Variants in ITIH2 observed in about 807,000 individuals in gnomAD.
ITIH2 encodes the protein inter-alpha-trypsin inhibitor heavy chain 2.
ITIH2 carries 103 observed loss-of-function variants against 104.4 expected under a neutral mutation model. That is an observed-to-expected ratio of 0.99 (90% CI 0.84 to 1.16). ITIH2 has a LOEUF of 1.16. ITIH2 is among the 50% of genes most tolerant of loss of function. ITIH2 has a pLI of 0.00. For synonymous variants in ITIH2, 436 were observed against 435.4 expected (o/e 1.00, Z -0.02); for missense variants, 1,108 against 1,162.4 (o/e 0.95, Z 0.68).
chr10:7,718,102 ACT>A (rs1442023904), intron 6 of ITIH2, among the ~76,000 whole-genome samples: 1 of 151,108 alleles, frequency 6.6e-6, no homozygotes, highest in Non-Finnish European at 1.5e-5. Context: ...GCAGAGCTGC[ACT>A]CTCTCTCTCT....
chr10:7,724,082 C>T (rs955234636), intron 9 of ITIH2, among the ~76,000 whole-genome samples: 8 of 152,104 alleles, frequency 5.3e-5, no homozygotes, highest in African/African-American at 1.9e-4. Context: ...GCTCAGAGCT[C>T]AATATAGGCT....
At chr10:7,732,737 A>T (rs893956442) in intron 14 of ITIH2, among the ~76,000 whole-genome samples, 7 of 151,336 alleles carry the variant, frequency 4.6e-5, no homozygotes, top group South Asian at 4.2e-4. Flanking sequence ...ATTTATTTTT[A>T]TTTTTTTTGA....
rs538549127 is a variant in ITIH2 at position 7,735,952 on chromosome 10, C to T, written c.1957+861C>T. Among the ~76,000 whole-genome samples the T allele has an allele frequency of 6.6e-5, 10 of 152,250 alleles. No homozygotes were observed. The East Asian group carries it at 1.9e-3, about 29-fold the overall frequency. On this transcript the variant is annotated intron_variant, in intron 15 of 20. Coordinates refer to ENST00000358415, the MANE Select transcript of ITIH2 (RefSeq NM_002216.3). ...CCTCCCAAAGTGCTGGGGTTACAGG[C>T]GTGAGCCACCGTGCCTGACCATATC... is the stretch of plus-strand genomic sequence containing the variant.
At chr10:7,715,919 T>C (rs1834845193) in intron 5 of ITIH2, among the ~76,000 whole-genome samples, 1 of 150,904 alleles carries the variant, frequency 6.6e-6, no homozygotes, top group Non-Finnish European at 1.5e-5. Flanking sequence ...TTTTGTATTT[T>C]TAGGAGAGAC....
At chr10:7,732,879 C>T (rs1283492968) in intron 14 of ITIH2, among the ~76,000 whole-genome samples, 2 of 152,088 alleles carry the variant, frequency 1.3e-5, no homozygotes, top group East Asian at 3.9e-4. Flanking sequence ...TGGTGCCCAC[C>T]ACCACGCCCA....
intron 19 of ITIH2, among the ~76,000 whole-genome samples, chr10:7,745,815 C>T (rs942956485): frequency 1.5e-4 from 23 of 151,250 alleles, no homozygotes; most frequent in East Asian, 6.2e-4. Flanking sequence ...AGCGCAGTGG[C>T]GCAATCTCGG....
intron 6 of ITIH2, among the ~76,000 whole-genome samples, chr10:7,720,250 C>T (rs1834889018): frequency 6.6e-6 from 1 of 152,148 alleles, no homozygotes; most frequent in Non-Finnish European, 1.5e-5. Flanking sequence ...GCAATATATT[C>T]ATGTAACCAA....
rs751492273 is a variant in ITIH2, at chr10:7,731,967, C to T, written c.1618C>T (p.Gln540Ter). The T allele has an allele frequency of 3.1e-6, 5 of 1,613,732 alleles. No individual in the cohort carries two copies. The highest frequency in any genetic ancestry group is 4.2e-6 in the Non-Finnish European group (5 of 1,179,854). Residue 540 changes from glutamine (Q) to a stop codon, truncating the protein, a stop_gained, in exon 13 of 21, where the codon CAA becomes TAA. Transcript: ENST00000358415. LOFTEE classifies it high-confidence loss of function. ...AGKFDPAKLD[Q>*]IESVITATSA... Reference sequence around the variant, plus strand: ...AAAATTTGACCCTGCTAAATTGGATCAAATAGAGAGCGTTATCACGGCGAC... The same window carrying T: ...AAAATTTGACCCTGCTAAATTGGATTAAATAGAGAGCGTTATCACGGCGAC...
At chr10:7,724,653 G>T (rs1269664802) in intron 9 of ITIH2, among the ~76,000 whole-genome samples, 1 of 150,860 alleles carries the variant, frequency 6.6e-6, no homozygotes, top group Non-Finnish European at 1.5e-5. Context: ...GACCCTGCCT[G>T]CCTGGGTCTG....
At chr10:7,742,949 C>T (rs936487194) in intron 16 of ITIH2, among the ~76,000 whole-genome samples, 197 bp from the exon 17 acceptor site, 1 of 152,030 alleles carries the variant, frequency 6.6e-6, no homozygotes, top group African/African-American at 2.4e-5. Context: ...ACATAGGGTT[C>T]TGAAGAAGGC....
rs775477808 is a variant in ITIH2, at chr10:7,727,056, C to T, written c.1091C>T (p.Ser364Leu). 6.2e-7 allele frequency: 1 copy of T among 1,614,118 alleles called. No individual in the cohort carries two copies. Among genetic ancestry groups the T allele is most frequent in the Middle Eastern group, 1.6e-4 (1 of 6,062 alleles). ...CGAACTTGGAGAAATGATTTAATTTCAGCTACAAAAACACAGGTTGCAGAT... is the reference window on the plus strand; with the variant it reads ...CGAACTTGGAGAAATGATTTAATTTTAGCTACAAAAACACAGGTTGCAGAT... The part of the protein sequence containing the change: ...NIRTWRNDLI[S>L]ATKTQVADAK... The change falls in exon 10 of 21, where the codon TCA becomes TTA. Residue 364 changes from serine (S) to leucine (L), a missense_variant. Coordinates refer to ENST00000358415, the MANE Select transcript of ITIH2 (RefSeq NM_002216.3).
chr10:7,729,902 T>G (rs754259657), intron 11 of ITIH2, 50 bp from the exon 12 acceptor site: 8 of 1,403,656 alleles, frequency 5.7e-6, no homozygotes, highest in Non-Finnish European at 7.8e-6. Flanking sequence ...TCCAGAAAAT[T>G]TATGATATTG....
intron 11 of ITIH2, among the ~76,000 whole-genome samples, chr10:7,729,207 G>A (rs917192474): frequency 2.0e-5 from 3 of 152,136 alleles, no homozygotes; most frequent in African/African-American, 4.8e-5. Flanking sequence ...CAGCTATTCG[G>A]GAGGCTGAGA....
intron 4 of ITIH2, among the ~76,000 whole-genome samples, chr10:7,710,871 A>G (rs1015451748): frequency 3.3e-4 from 50 of 151,854 alleles, no homozygotes; most frequent in Admixed American, 3.2e-3. Flanking sequence ...CTATTTTTAA[A>G]CCACACAATC....
intron 5 of ITIH2, among the ~76,000 whole-genome samples, chr10:7,716,946 C>CT (rs1159676380): frequency 8.9e-5 from 12 of 134,538 alleles, no homozygotes; most frequent in Middle Eastern, 8.0e-3. Context: ...CTCTACAAGC[C>CT]TATTTTTTTT....
intron 12 of ITIH2, 79 bp downstream of exon 12, chr10:7,730,212 TAACTG>T: frequency 9.8e-7 from 1 of 1,020,148 alleles, no homozygotes; most frequent in South Asian, 1.7e-5. Flanking sequence ...GTATGATGCA[TAACTG>T]AACTTAACTC....
chr10:7,747,381 C>CATTGTATGTTATGTTA (rs1564308927), intron 20 of ITIH2, among the ~76,000 whole-genome samples: 10 of 152,096 alleles, frequency 6.6e-5, no homozygotes, highest in African/African-American at 2.4e-4. Context: ...CTTAATTAAA[C>CATTGTATGTTATGTTA]CATAACATTG....
At chr10:7,712,886 C>G (rs941509600) in intron 4 of ITIH2, among the ~76,000 whole-genome samples, 4 of 152,064 alleles carry the variant, frequency 2.6e-5, no homozygotes, top group African/African-American at 9.7e-5. Flanking sequence ...TTTGGGAGGC[C>G]AAGCCAGGTG....
At chr10:7,748,945 G>C (rs1019530208) in intron 20 of ITIH2, among the ~76,000 whole-genome samples, 7 of 152,032 alleles carry the variant, frequency 4.6e-5, no homozygotes, top group African/African-American at 1.7e-4. Flanking sequence ...CGCTGGAAAA[G>C]CCCATATAGG....
Sources: gnomAD v4.1 joint callset for allele counts (sites outside exome capture counted in the v4.1 genomes callset) on GRCh38, gnomAD v4.1.1 for gene constraint, MANE v1.5 for transcripts, NCBI Gene and HGNC (gene_info 2026-07-23, HGNC 2026-07-21) for gene names.